The following CDH23 variants were observed in gnomAD, a reference collection of about 807,000 sequenced individuals.
The protein encoded by CDH23 is cadherin-23.
A neutral mutation model predicts 317.1 loss-of-function variants in CDH23; 189 were observed. The observed-to-expected ratio is 0.60, with a 90% CI of 0.53 to 0.67. CDH23 has a LOEUF of 0.67. Among genes scored for constraint, CDH23 ranks in the 30% least tolerant of loss-of-function variants. The pLI, the probability that CDH23 is intolerant of heterozygous loss-of-function variation, is 0.00. For missense variants in CDH23, 4,401 were observed against 4,592.4 expected, an observed-to-expected ratio of 0.96 and a Z score of 1.20; for synonymous variants, 1,839 against 1,876.8, an observed-to-expected ratio of 0.98 and a Z score of 0.52.
At chr10:71,475,012 G>A (rs1851713839) in intron 3 of CDH23, among the ~76,000 whole-genome samples, 1 of 152,244 alleles carries the variant, frequency 6.6e-6, no homozygotes, top group South Asian at 2.1e-4. Flanking sequence ...TTTGGTGAGT[G>A]GATGGATGCT....
intron 38 of CDH23, among the ~76,000 whole-genome samples, chr10:71,772,424 G>T (rs545622274): frequency 6.6e-6 from 1 of 152,188 alleles, no homozygotes; most frequent in Non-Finnish European, 1.5e-5. Flanking sequence ...GGTTCCACAG[G>T]CTCTTTGAAG....
At chr10:71,676,754 C>G (rs903926369) in intron 15 of CDH23, among the ~76,000 whole-genome samples, 3 of 152,300 alleles carry the variant, frequency 2.0e-5, no homozygotes, top group Middle Eastern at 3.4e-3. Context: ...CCCAGGGAAC[C>G]CGTGTTCACG....
At chr10:71,627,112 C>T (rs903380983) in intron 11 of CDH23, among the ~76,000 whole-genome samples, 1 of 152,156 alleles carries the variant, frequency 6.6e-6, no homozygotes, top group African/African-American at 2.4e-5. Flanking sequence ...CCTGGGGCCC[C>T]GGTGAGCACC....
intron 3 of CDH23, among the ~76,000 whole-genome samples, chr10:71,480,939 C>T (rs1389974846): frequency 2.0e-5 from 3 of 152,102 alleles, no homozygotes; most frequent in African/African-American, 7.2e-5. Flanking sequence ...ATGTCTTCCA[C>T]GGACCCCTTC....
chr10:71,440,180 G>A (rs112397189), intron 2 of CDH23, among the ~76,000 whole-genome samples: 3 of 152,300 alleles, frequency 2.0e-5, no homozygotes, highest in African/African-American at 7.2e-5. Flanking sequence ...ACCTGTGACC[G>A]TGAACCGTCC....
intron 11 of CDH23, among the ~76,000 whole-genome samples, chr10:71,637,528 T>C (rs899164644): frequency 3.3e-5 from 5 of 152,038 alleles, no homozygotes; most frequent in African/African-American, 1.2e-4. Context: ...CTCAAGGATA[T>C]AAAATTGTGT....
chr10:71,740,729 C>T (rs2132845890), intron 36 of CDH23, 93 bp from the exon 37 acceptor site: 1 of 1,546,446 alleles, frequency 6.5e-7, no homozygotes, highest in Non-Finnish European at 8.8e-7. Flanking sequence ...CTCCCAAATG[C>T]TCCCCACTGA....
chr10:71,491,422 C>T (rs963049630), intron 3 of CDH23, among the ~76,000 whole-genome samples: 4 of 152,232 alleles, frequency 2.6e-5, no homozygotes, highest in Non-Finnish European at 5.9e-5. Context: ...GCCTTGGGCA[C>T]ACTGTCGAAA....
chr10:71,403,985 G>A (rs28405024), intron 1 of CDH23, among the ~76,000 whole-genome samples: 24 of 152,114 alleles, frequency 1.6e-4, no homozygotes, highest in African/African-American at 1.4e-4. Context: ...CCAGTTTTTC[G>A]GAAAACTGAG....
intron 6 of CDH23, among the ~76,000 whole-genome samples, chr10:71,518,240 T>C (rs1854454051): frequency 6.6e-6 from 1 of 152,220 alleles, no homozygotes; most frequent in Non-Finnish European, 1.5e-5. Context: ...CTTCTCCAAG[T>C]TCCCCAGAGT....
chr10:71,811,868 C>T, intron 65 of CDH23, 87 bp from the exon 66 acceptor site: 1 of 1,595,400 alleles, frequency 6.3e-7, no homozygotes. Flanking sequence ...GGACCATGCC[C>T]CGCACCCCAT....
intron 14 of CDH23, among the ~76,000 whole-genome samples, chr10:71,665,184 A>G (rs1200680771): frequency 6.6e-6 from 1 of 152,130 alleles, no homozygotes; most frequent in African/African-American, 2.4e-5. Flanking sequence ...CCCAGTCAAC[A>G]TTCACCCAGG....
At chr10:71,777,112 G>A (rs566221404) in intron 38 of CDH23, among the ~76,000 whole-genome samples, 8 of 152,326 alleles carry the variant, frequency 5.3e-5, no homozygotes, top group East Asian at 1.9e-4. Flanking sequence ...TTTTTCACAG[G>A]TCAACAAGTT....
chr10:71,551,930 C>T (rs1856618466), intron 6 of CDH23, among the ~76,000 whole-genome samples: 2 of 152,340 alleles, frequency 1.3e-5, no homozygotes, highest in Middle Eastern at 3.4e-3. Flanking sequence ...GGGACAGCTC[C>T]TGAAGACAAC....
chr10:71,666,428 G>C (rs978734844), intron 14 of CDH23, among the ~76,000 whole-genome samples: 1 of 152,038 alleles, frequency 6.6e-6, no homozygotes, highest in African/African-American at 2.4e-5. Context: ...TTTTCTCCCA[G>C]GTGCATGGCC....
intron 52 of CDH23, 119 bp downstream of exon 52, chr10:71,799,748 C>T: frequency 7.3e-7 from 1 of 1,366,338 alleles, no homozygotes. Context: ...ACATCTGCAT[C>T]CCCAGAGGTT....
At position 71,815,356 on chromosome 10, in the gene CDH23, C is replaced by T; in HGVS notation, c.*78C>T. 3 of 1,359,478 alleles carry T rather than the reference C, an allele frequency of 2.2e-6. No individual in the cohort carries two copies. Among genetic ancestry groups the T allele is most frequent in the Non-Finnish European group, 3.0e-6 (3 of 1,015,564 alleles). 84.2% of individuals were successfully genotyped at this position (1,359,478 alleles called of 1,614,324 possible). ...CAGGGAGCAAGGGCAGGGACAGGGC[C>T]GGTCGGGGGGGACCCTCCAAGGCCA... On this transcript the variant is annotated 3_prime_UTR_variant, in exon 70 of 70. Transcript: ENST00000224721.
At chr10:71,804,299 G>A (rs576499216) in intron 55 of CDH23, among the ~76,000 whole-genome samples, 1 of 152,100 alleles carries the variant, frequency 6.6e-6, no homozygotes, top group Non-Finnish European at 1.5e-5. Flanking sequence ...AGAAATGAGG[G>A]GAAGTGGCAA....
chr10:71,812,003 A>T lies in CDH23; in HGVS notation c.9368A>T (p.Tyr3123Phe). The change falls in exon 66 of 70, where the codon TAC (tyrosine) becomes TTC (phenylalanine). Residue 3123 changes from tyrosine to phenylalanine, a missense_variant. Physicochemically the swap from Tyr to Phe is conservative, Grantham distance 22. Coordinates refer to ENST00000224721, the MANE Select transcript of CDH23 (RefSeq NM_022124.6). ...ATGGACATGCCTAACACCAACAAGTACTCCTTTGATGGGTGAGTGGGGTAC... is the reference window on the plus strand; with the variant it reads ...ATGGACATGCCTAACACCAACAAGTTCTCCTTTGATGGGTGAGTGGGGTAC... Reference protein sequence around the residue: ...DIMDMPNTNKYSFDGANPVWL... With the variant: ...DIMDMPNTNKFSFDGANPVWL... 11 of 1,613,136 alleles carry T rather than the reference A, an allele frequency of 6.8e-6. No individual in the cohort carries two copies. Among genetic ancestry groups the T allele is most frequent in the Non-Finnish European group, 7.6e-6 (9 of 1,179,738 alleles).
Sources: allele counts gnomAD v4.1 joint callset (sites outside exome capture counted in the v4.1 genomes callset), GRCh38; gene constraint gnomAD v4.1.1; transcripts MANE v1.5; gene names NCBI Gene and HGNC (gene_info 2026-07-23, HGNC 2026-07-21).